KLHDC4: variants seen among roughly 807,000 people sequenced by gnomAD.
KLHDC4 encodes kelch domain-containing protein 4.
In KLHDC4, 90 loss-of-function variants were observed where a neutral mutation model predicts 62.4. That is an observed-to-expected ratio of 1.44 (90% CI 1.22 to 1.72). The LOEUF is 1.72. Among genes scored for constraint, KLHDC4 ranks in the 40% most tolerant of loss-of-function variants. The probability of loss-of-function intolerance (pLI) is 0.00; values close to 1 mark genes in which losing one functional copy is unlikely to be tolerated. For synonymous variants in KLHDC4, 386 were observed against 284.4 expected (o/e 1.36, Z -3.59); for missense variants, 1,025 against 699.7 (o/e 1.47, Z -5.25).
At chr16:87,721,650 G>A (rs150307091) in intron 7 of KLHDC4, among the ~76,000 whole-genome samples, 12 of 152,260 alleles carry the variant, frequency 7.9e-5, no homozygotes, top group African/African-American at 2.4e-4. Context: ...GTCCACACTC[G>A]CAACAACTCT....
intron 6 of KLHDC4, 68 bp from the exon 7 acceptor site, chr16:87,726,992 C>T (rs1438832331): frequency 6.5e-7 from 1 of 1,534,958 alleles, no homozygotes. Context: ...AAAAACTGAA[C>T]TGATTTAAAT....
exon 1 of KLHDC4, chr16:87,701,511 A>T (rs2034141665): frequency 5.5e-6 from 2 of 361,332 alleles, no homozygotes; most frequent in African/African-American, 2.1e-5. Context: ...AGAAGCAAGC[A>T]GCCCCGTGAC....
downstream of KLHDC4, among the ~76,000 whole-genome samples, chr16:87,705,383 C>A (rs982335129): frequency 3.9e-5 from 6 of 152,260 alleles, no homozygotes; most frequent in East Asian, 1.2e-3. Context: ...CGGTTCCACA[C>A]TGAAGGGGCC....
exon 1 of KLHDC4, chr16:87,698,784 C>A (rs938032485): frequency 6.6e-6 from 1 of 152,278 alleles, no homozygotes; most frequent in East Asian, 1.9e-4. Context: ...CTGACAGGCA[C>A]GCAGTCCCTC....
At chr16:87,762,128 G>C (rs2045981395) in intron 1 of KLHDC4, 88 bp from the exon 2 acceptor site, 2 of 1,569,642 alleles carry the variant, frequency 1.3e-6, no homozygotes, top group Non-Finnish European at 1.7e-6. Context: ...CAATCAGTGT[G>C]ATTCGACTGG....
chr16:87,756,251 C>T (rs773139128), intron 3 of KLHDC4, 148 bp downstream of exon 3: 12 of 591,314 alleles, frequency 2.0e-5, no homozygotes, highest in South Asian at 3.8e-5. Flanking sequence ...AGCATCCTGG[C>T]GACGTCTCAC....
chr16:87,706,393 T>C (rs1364277368), downstream of KLHDC4, among the ~76,000 whole-genome samples: 17 of 92,216 alleles, frequency 1.8e-4, no homozygotes, highest in African/African-American at 6.3e-4. Flanking sequence ...GTGGGGGGGT[T>C]GGTCGGCACA....
chr16:87,745,765 C>T lies in KLHDC4; in HGVS notation c.506+2908G>A, dbSNP rs181541459. Among the ~76,000 whole-genome samples, 483 of 152,218 alleles carry T rather than the reference C, an allele frequency of 3.2e-3. 1 individual carries two copies. The highest frequency in any genetic ancestry group is 0.011 in the African/African-American group (462 of 41,540). On this transcript the variant is annotated intron_variant, in intron 5 of 11. Transcript: ENST00000270583. ...TGTTTATGAGGGCAAGGGCTCAGCA[C>T]CCCGAGCTGACTACAGGGTGGGAGA... is the stretch of plus-strand genomic sequence containing the variant.
At chr16:87,757,968 G>A (rs757175232) in intron 2 of KLHDC4, among the ~76,000 whole-genome samples, 13 of 152,126 alleles carry the variant, frequency 8.5e-5, no homozygotes, top group Non-Finnish European at 1.8e-4. Context: ...ACTATCTGGC[G>A]AATCACTGGG....
intron 1 of KLHDC4, among the ~76,000 whole-genome samples, chr16:87,764,134 T>G (rs1469372873): frequency 6.6e-6 from 1 of 152,226 alleles, no homozygotes; most frequent in Non-Finnish European, 1.5e-5. Context: ...ATACCACTCT[T>G]GTGATTAGGT....
rs867086542 is a variant in KLHDC4, at chr16:87,711,394, T to G, written c.885A>C (p.Pro295=). The G allele has an allele frequency of 6.2e-7, 1 of 1,613,440 alleles. No homozygotes were observed. The highest frequency in any genetic ancestry group is 8.5e-7 in the Non-Finnish European group (1 of 1,179,960). Residue 295 remains proline (P), a synonymous_variant, in exon 9 of 12, where the codon CCA becomes CCC. Coordinates refer to ENST00000270583, the MANE Select transcript of KLHDC4 (RefSeq NM_017566.4). ...RMNPSGVKPT[P]RSGFSVAMAP... Reference sequence around the variant, plus strand: ...CCATGGCCACGGAAAAGCCAGACCGTGGGGTGGGCTTGACCCCCGAAGGGT... The same window carrying G: ...CCATGGCCACGGAAAAGCCAGACCGGGGGGTGGGCTTGACCCCCGAAGGGT...
At chr16:87,709,844 A>G in intron 9 of KLHDC4, 177 bp from the exon 10 acceptor site, 1 of 702,426 alleles carries the variant, frequency 1.4e-6, no homozygotes, top group Non-Finnish European at 2.3e-6. Context: ...CTGCAGGAGC[A>G]CGCTCCTGTC....
chr16:87,708,197 C>T (rs1235375238), intron 11 of KLHDC4, 122 bp from the exon 12 acceptor site: 4 of 620,234 alleles, frequency 6.4e-6, no homozygotes, highest in Non-Finnish European at 1.2e-5. Context: ...CCCACAGGCA[C>T]ACGGCACTCA....
chr16:87,765,759 G>C (rs375617013), intron 1 of KLHDC4, 33 bp downstream of exon 1: 2 of 1,545,952 alleles, frequency 1.3e-6, no homozygotes, highest in Non-Finnish European at 1.8e-6. Context: ...CGGCCGCGAC[G>C]TCGGGCCGCT....
downstream of KLHDC4, among the ~76,000 whole-genome samples, chr16:87,702,839 A>T (rs1175792420): frequency 6.6e-6 from 1 of 152,250 alleles, no homozygotes; most frequent in East Asian, 1.9e-4. Flanking sequence ...CCGTGCAATG[A>T]CAGAGAGAAC....
chr16:87,737,214 T>A (rs1225829170), intron 5 of KLHDC4, among the ~76,000 whole-genome samples: 1 of 151,688 alleles, frequency 6.6e-6, no homozygotes, highest in East Asian at 1.9e-4. Flanking sequence ...GTGTTCTGGC[T>A]GTCAACACTG....
intron 4 of KLHDC4, among the ~76,000 whole-genome samples, chr16:87,749,400 A>C (rs879527703): frequency 4.6e-5 from 7 of 151,956 alleles, no homozygotes; most frequent in Non-Finnish European, 7.4e-5. Context: ...CTAAAAATAC[A>C]AACATTAGCC....
chr16:87,724,874 G>C (rs1199642845), intron 7 of KLHDC4, among the ~76,000 whole-genome samples: 1 of 152,168 alleles, frequency 6.6e-6, no homozygotes, highest in Non-Finnish European at 1.5e-5. Context: ...CCACTCAAAA[G>C]ATTATTATGG....
chr16:87,750,882 G>T (rs1460763272), intron 4 of KLHDC4: 1 of 152,256 alleles, frequency 6.6e-6, no homozygotes. Context: ...TACCTGTAAA[G>T]GGACAGGCCA....
Sources: gnomAD v4.1 joint callset for allele counts (sites outside exome capture counted in the v4.1 genomes callset) on GRCh38, gnomAD v4.1.1 for gene constraint, MANE v1.5 for transcripts, NCBI Gene and HGNC (gene_info 2026-07-23, HGNC 2026-07-21) for gene names.